Variants in TRIM35 observed in about 807,000 individuals in gnomAD.
TRIM35 encodes the protein tripartite motif containing 35.
A neutral mutation model predicts 49.1 loss-of-function variants in TRIM35; 37 were observed. That is an observed-to-expected ratio of 0.75 (90% CI 0.58 to 0.99). The LOEUF is 0.99. Among genes scored for constraint, TRIM35 ranks in the 50% least tolerant of loss-of-function variants. TRIM35 has a pLI of 0.00. For missense variants in TRIM35, 648 were observed against 702.7 expected, an observed-to-expected ratio of 0.92 and a Z score of 0.88; for synonymous variants, 302 against 289.3, an observed-to-expected ratio of 1.04 and a Z score of -0.45.
At position 27,310,808 on chromosome 8, in the gene TRIM35, T is replaced by C. The variant is rs1216449848; in HGVS notation, c.428A>G (p.Asp143Gly). The C allele has an allele frequency of 6.3e-7, 1 of 1,592,048 alleles. No homozygotes were observed. Among genetic ancestry groups the C allele is most frequent in the South Asian group, 1.1e-5 (1 of 89,876 alleles). ...RVQPVKDTAH[D>G]FRAKCRNMEH... ...GCAAATCGCTGCTCTTACCCGAAAG[T>C]CGTGGGCAGTGTCCTTCACCGGCTG... The change falls in exon 1 of 6, where the codon GAC (aspartate) becomes GGC (glycine). Residue 143 changes from aspartate to glycine, a missense_variant. By Grantham distance (94) the Asp-to-Gly change is moderately conservative. Coordinates refer to ENST00000305364, the MANE Select transcript of TRIM35 (RefSeq NM_171982.5).
intron 1 of TRIM35, chr8:27,304,922 T>C: frequency 2.5e-6 from 1 of 399,674 alleles, no homozygotes; most frequent in Non-Finnish European, 4.9e-6. Context: ...ATTTCACGAT[T>C]TGTTTTCAGG....
rs974827238 is a variant in TRIM35 at position 27,310,961 on chromosome 8, C to G, written c.275G>C (p.Trp92Ser). 2.5e-6 allele frequency: 4 copies of G among 1,612,420 alleles called. No homozygotes were observed. In the African/African-American group the frequency reaches 4.0e-5, roughly 16 times the overall value. Residue 92 changes from tryptophan to serine, a missense_variant, in exon 1 of 6, where the codon TGG becomes TCG. Transcript: ENST00000305364. ...GACACGCGAGAAGCGGTAGCTGGTC[C>G]AGCGCGCGCCCTCGGCCTCCTCGCG... ...LLREEAEGAR[W>S]TSYRFSRVCR...
In TRIM35 at chr8:27,287,994, C is replaced by T; in HGVS notation, c.1038G>A (p.Leu346=). 1.9e-6 allele frequency: 3 copies of T among 1,613,552 alleles called. No individual in the cohort carries two copies. Among genetic ancestry groups the T allele is most frequent in the Non-Finnish European group, 2.5e-6 (3 of 1,179,974 alleles). Residue 346 remains leucine, a synonymous_variant, in exon 6 of 6, where the codon CTG becomes CTA. Transcript: ENST00000305364. This position sits in a 1 kb window ranked among gnomAD's most constrained non-coding sequence, Gnocchi z 6.0. ...PERFSSAPCL[L]GSRVFSQGSH... is the part of the protein sequence containing the mutation. ...AGCCCTGTGAGAAGACACGGGAGCCCAGCAGGCAGGGCGCCGAGGAGAAGC... is the reference window on the plus strand; with the variant it reads ...AGCCCTGTGAGAAGACACGGGAGCCTAGCAGGCAGGGCGCCGAGGAGAAGC...
intron 2 of TRIM35, among the ~76,000 whole-genome samples, chr8:27,296,964 T>A (rs534816320): frequency 2.3e-4 from 35 of 152,302 alleles, no homozygotes; most frequent in African/African-American, 5.1e-4. Context: ...AATTTTTTTT[T>A]AAAAACCCTA....
intron 1 of TRIM35, among the ~76,000 whole-genome samples, chr8:27,304,563 C>A (rs1309166272): frequency 6.6e-6 from 1 of 152,214 alleles, no homozygotes; most frequent in African/African-American, 2.4e-5. Flanking sequence ...TTCCTGAGGG[C>A]AGGTCTTAAC....
chr8:27,305,768 C>T (rs1383492532), intron 1 of TRIM35, among the ~76,000 whole-genome samples: 1 of 152,152 alleles, frequency 6.6e-6, no homozygotes, highest in East Asian at 1.9e-4. Flanking sequence ...CACAGGGCTG[C>T]TGTAGAAGAT....
intron 4 of TRIM35, 88 bp from the exon 5 acceptor site, chr8:27,289,368 T>C: frequency 9.2e-7 from 1 of 1,081,232 alleles, no homozygotes; most frequent in Admixed American, 1.8e-5. Context: ...CAACAGGACT[T>C]GTTCCCTTCC....
At chr8:27,307,573 C>G (rs527721483) in intron 1 of TRIM35, among the ~76,000 whole-genome samples, 1 of 152,200 alleles carries the variant, frequency 6.6e-6, no homozygotes, top group Non-Finnish European at 1.5e-5. Flanking sequence ...CCGGTCCTGT[C>G]CTGGACACAG....
At position 27,287,833 on chromosome 8, in the gene TRIM35, C is replaced by T. The variant is rs931871074; in HGVS notation, c.1199G>A (p.Cys400Tyr). ...GTCCCCCTCCACGCCCTGCGTGCGGCAGACATACCAGAAGCCCGAGCGTGT... is the reference window on the plus strand; with the variant it reads ...GTCCCCCTCCACGCCCTGCGTGCGGTAGACATACCAGAAGCCCGAGCGTGT... The part of the protein sequence containing the change: ...HDTRSGFWYV[C>Y]RTQGVEGDHC... The change falls in exon 6 of 6, where the codon TGC becomes TAC. Residue 400 changes from cysteine (C) to tyrosine (Y), a missense_variant. Physicochemically the swap from Cys to Tyr is radical, Grantham distance 194. Transcript: ENST00000305364. This position sits in a 1 kb window ranked among gnomAD's most constrained non-coding sequence, Gnocchi z 6.0. 36 of 1,612,326 alleles carry T rather than the reference C, an allele frequency of 2.2e-5. No individual in the cohort carries two copies. Among genetic ancestry groups the T allele is most frequent in the Admixed American group, 3.3e-5 (2 of 59,848 alleles).
rs887517078 is a variant in TRIM35, at chr8:27,286,080, G to A, written c.*1470C>T. On this transcript the variant is annotated 3_prime_UTR_variant, in exon 6 of 6. Transcript: ENST00000305364. ...CAGCTTTTGTGAACTGAAGGGGATG[G>A]GCAGAAGGCAGGATGCTGTCCTTGG... is the stretch of plus-strand genomic sequence containing the variant. The A allele has an allele frequency of 8.8e-6, 4 of 456,066 alleles. No homozygotes were observed. Among genetic ancestry groups the A allele is most frequent in the African/African-American group, 8.0e-5 (4 of 50,058 alleles). The allele number at this position is 456,066 out of a possible 1,614,324, so 28.3% of individuals were successfully genotyped here. A position where few individuals can be genotyped will look rare whatever the true frequency, so the allele number is the denominator to read the frequency against.
intron 1 of TRIM35, among the ~76,000 whole-genome samples, chr8:27,300,258 C>A (rs1329449430): frequency 6.6e-6 from 1 of 152,246 alleles, no homozygotes; most frequent in African/African-American, 2.4e-5. Flanking sequence ...CAGCTCCATA[C>A]CTACAGCCCC....
chr8:27,302,165 T>C (rs1289361434), intron 1 of TRIM35, among the ~76,000 whole-genome samples: 6 of 152,308 alleles, frequency 3.9e-5, no homozygotes, highest in Non-Finnish European at 8.8e-5. Flanking sequence ...ATCTGTGAAG[T>C]TGCATAAAAA....
chr8:27,309,645 A>G (rs540905939), intron 1 of TRIM35, among the ~76,000 whole-genome samples: 50 of 152,266 alleles, frequency 3.3e-4, no homozygotes, highest in Admixed American at 9.8e-4. Context: ...ATGCATTAGC[A>G]GGTGATGAAA....
chr8:27,303,838 T>A (rs1802727788), intron 1 of TRIM35, among the ~76,000 whole-genome samples: 1 of 152,142 alleles, frequency 6.6e-6, no homozygotes, highest in South Asian at 2.1e-4. Flanking sequence ...GGATTACAAG[T>A]GCCTGCCGCC....
rs747906732 is a variant in TRIM35 at position 27,311,255 on chromosome 8, G to C, written c.-20C>G. The C allele has an allele frequency of 1.2e-5, 18 of 1,484,478 alleles. No homozygotes were observed. The Middle Eastern group carries it at 6.7e-4, about 55-fold the overall frequency. 92.0% of individuals were successfully genotyped at this position (1,484,478 alleles called of 1,614,324 possible). A position where few individuals can be genotyped will look rare whatever the true frequency, so the allele number is the denominator to read the frequency against. On this transcript the variant is annotated 5_prime_UTR_variant, in exon 1 of 6. Coordinates refer to ENST00000305364, the MANE Select transcript of TRIM35 (RefSeq NM_171982.5). The stretch of plus-strand genomic sequence containing the variant: ...CTCCATGGCACGAGCAGCCGGCTCG[G>C]GCGCCCGGAACTTTTGCTCCGGCCC...
At chr8:27,306,582 C>T (rs983193533) in intron 1 of TRIM35, among the ~76,000 whole-genome samples, 2 of 152,102 alleles carry the variant, frequency 1.3e-5, no homozygotes, top group African/African-American at 4.8e-5. Context: ...CCTCGGCCTC[C>T]CAAAGTGCTG....
chr8:27,289,012 T>G, intron 5 of TRIM35, 150 bp downstream of exon 5: 1 of 619,694 alleles, frequency 1.6e-6, no homozygotes, highest in Non-Finnish European at 2.9e-6. Flanking sequence ...GGAACCTGCC[T>G]GCGAGGGACT....
chr8:27,287,719 T>G lies in TRIM35; in HGVS notation c.1313A>C (p.Glu438Ala). The change falls in exon 6 of 6, where the codon GAG (glutamate) becomes GCG (alanine). Residue 438 changes from glutamate (E) to alanine (A), a missense_variant. By Grantham distance (107) the Glu-to-Ala change is moderately radical. Coordinates refer to ENST00000305364, the MANE Select transcript of TRIM35 (RefSeq NM_171982.5). The surrounding 1 kb of genome is among the most constrained non-coding windows in gnomAD (Gnocchi z 6.0). ...GCGCTCCGCGTCATAGAAAGACAGC[T>G]CGCCCTCCTCACACTCCAGCTCCAC... The part of the protein sequence containing the change: ...LRVELECEEG[E>A]LSFYDAERHC... The G allele has an allele frequency of 6.2e-7, 1 of 1,610,418 alleles. No individual in the cohort carries two copies. The highest frequency in any genetic ancestry group is 8.5e-7 in the Non-Finnish European group (1 of 1,178,712).
At chr8:27,291,048 T>C (rs1442017656) in intron 3 of TRIM35, among the ~76,000 whole-genome samples, 1 of 137,336 alleles carries the variant, frequency 7.3e-6, no homozygotes, top group Non-Finnish European at 1.5e-5. Context: ...GAAAACTGTA[T>C]GTTGACATGC....
Sources: gnomAD v4.1 joint callset for allele counts (sites outside exome capture counted in the v4.1 genomes callset) on GRCh38, gnomAD v4.1.1 for gene constraint, Gnocchi (gnomAD v3.1) non-coding constraint, MANE v1.5 for transcripts, NCBI Gene and HGNC (gene_info 2026-07-23, HGNC 2026-07-21) for gene names.